Variants in SGCG observed in about 807,000 individuals in gnomAD.
SGCG encodes the protein gamma-sarcoglycan.
In SGCG, 26 loss-of-function variants were observed where a neutral mutation model predicts 29.3. The observed-to-expected ratio is 0.89, with a 90% CI of 0.65 to 1.23. The LOEUF is 1.23. Ranked by LOEUF, SGCG falls within the 50% of genes most tolerant of loss-of-function variation. The pLI is 0.00. For synonymous variants in SGCG, 145 were observed against 129.7 expected (o/e 1.12, Z -0.80); for missense variants, 353 against 356.0 (o/e 0.99, Z 0.07).
intron 2 of SGCG, among the ~76,000 whole-genome samples, chr13:23,210,462 C>A (rs186404807): frequency 1.4e-3 from 207 of 152,116 alleles, no homozygotes; most frequent in African/African-American, 4.7e-3. Flanking sequence ...GAGACTGAGG[C>A]GGGCAAATCA....
At chr13:23,261,496 CA>C (rs1331856807) in intron 4 of SGCG, among the ~76,000 whole-genome samples, 3 of 151,916 alleles carry the variant, frequency 2.0e-5, no homozygotes, top group Non-Finnish European at 4.4e-5. Context: ...AAAATCTCTA[CA>C]AAATATGGAA....
intron 1 of SGCG, among the ~76,000 whole-genome samples, chr13:23,192,159 A>G (rs1877291559): frequency 7.4e-6 from 1 of 134,230 alleles, no homozygotes; most frequent in Non-Finnish European, 1.6e-5. Context: ...TGGGCGACAG[A>G]GTGAGACTGC....
chr13:23,272,694 A>C (rs1880914616), intron 4 of SGCG, among the ~76,000 whole-genome samples: 1 of 152,104 alleles, frequency 6.6e-6, no homozygotes, highest in Admixed American at 6.5e-5. Context: ...CATTGTGACT[A>C]TCCAGCTTTT....
chr13:23,298,956 G>A (rs2766106), intron 6 of SGCG, among the ~76,000 whole-genome samples: 56,637 of 152,044 alleles, frequency 0.37, 11,151 homozygotes, highest in East Asian at 0.79. Context: ...GGAAATGCTC[G>A]AGGAGTGTGG....
intron 6 of SGCG, among the ~76,000 whole-genome samples, chr13:23,299,446 A>C (rs1156316755): frequency 1.4e-4 from 1 of 7,392 alleles, no homozygotes; most frequent in Non-Finnish European, 2.8e-4. Flanking sequence ...ATATATATAT[A>C]TATATATATA....
At chr13:23,202,618 G>A (rs944636430) in intron 1 of SGCG, among the ~76,000 whole-genome samples, 1 of 152,206 alleles carries the variant, frequency 6.6e-6, no homozygotes, top group Non-Finnish European at 1.5e-5. Flanking sequence ...GTTGAATAAT[G>A]TTGGCTGTCA....
At chr13:23,208,513 C>G (rs535898) in intron 2 of SGCG, among the ~76,000 whole-genome samples, 37,133 of 151,974 alleles carry the variant, frequency 0.24, 4,852 homozygotes, top group Middle Eastern at 0.34. Flanking sequence ...AAATGTTGAC[C>G]AAGAGAATAA....
intron 2 of SGCG, among the ~76,000 whole-genome samples, chr13:23,225,994 C>A (rs1878880808): frequency 6.6e-6 from 1 of 152,094 alleles, no homozygotes; most frequent in Non-Finnish European, 1.5e-5. Flanking sequence ...TTTACTTATT[C>A]AGTCAATCCC....
chr13:23,218,486 AAAAT>A (rs1878518000), intron 2 of SGCG, among the ~76,000 whole-genome samples: 1 of 152,204 alleles, frequency 6.6e-6, no homozygotes, highest in Non-Finnish European at 1.5e-5. Context: ...ACATAAATGT[AAAAT>A]AAACTGTAAC....
rs139673672 is a variant in SGCG at position 23,265,493 on chromosome 13, G to A, written c.386-13866G>A. 3.2e-3 allele frequency among the ~76,000 whole-genome samples: 490 copies of A among 152,168 alleles called. 4 individuals are homozygous for A. Among genetic ancestry groups the A allele is most frequent in the African/African-American group, 0.011 (463 of 41,512 alleles). On this transcript the variant is annotated intron_variant, in intron 4 of 7. Coordinates refer to ENST00000218867, the MANE Select transcript of SGCG (RefSeq NM_000231.3). ...TCAGGAGGCTGAGGCAGGAGAATTC[G>A]CTTGAACCTGGGAGGTGGAGGTTGC...
intron 4 of SGCG, among the ~76,000 whole-genome samples, chr13:23,266,430 A>C (rs1290119247): frequency 3.9e-5 from 6 of 152,170 alleles, no homozygotes; most frequent in African/African-American, 1.4e-4. Context: ...TTTTATGTGA[A>C]GTAACACTCA....
chr13:23,294,613 CT>C (rs1420162588), intron 5 of SGCG, among the ~76,000 whole-genome samples: 2 of 152,202 alleles, frequency 1.3e-5, no homozygotes, highest in Non-Finnish European at 1.5e-5. Flanking sequence ...CACTTTGCTA[CT>C]GGCACATTAC....
intron 5 of SGCG, among the ~76,000 whole-genome samples, chr13:23,290,720 G>A (rs1279984875): frequency 1.3e-5 from 2 of 152,208 alleles, no homozygotes; most frequent in East Asian, 3.8e-4. Flanking sequence ...AATGCTCAAT[G>A]AAGGTGTAGA....
chr13:23,264,273 G>C (rs1293405056), intron 4 of SGCG, among the ~76,000 whole-genome samples: 1 of 151,854 alleles, frequency 6.6e-6, no homozygotes, highest in Non-Finnish European at 1.5e-5. Flanking sequence ...TAGTAGCACT[G>C]CTATACACCA....
intron 2 of SGCG, among the ~76,000 whole-genome samples, chr13:23,225,134 CAGTG>C (rs1387992282): frequency 6.6e-6 from 1 of 152,166 alleles, no homozygotes; most frequent in African/African-American, 2.4e-5. Flanking sequence ...ACCTCATCCT[CAGTG>C]AGTGAGTGTT....
At chr13:23,169,098 T>C in the SGCG span, among the ~76,000 whole-genome samples, 1 of 151,786 alleles carries the variant, frequency 6.6e-6, no homozygotes, top group Admixed American at 6.6e-5. Flanking sequence ...GTTTTCCCAC[T>C]AGTCCTCTCT....
chr13:23,279,579 A>G (rs1566028781), intron 5 of SGCG, 101 bp downstream of exon 5: 1 of 1,228,014 alleles, frequency 8.1e-7, no homozygotes, highest in South Asian at 1.3e-5. Flanking sequence ...TCAAGCAGAT[A>G]AGAGAGTTTG....
intron 4 of SGCG, among the ~76,000 whole-genome samples, chr13:23,251,448 A>T (rs1879964523): frequency 6.6e-6 from 1 of 152,184 alleles, no homozygotes; most frequent in Non-Finnish European, 1.5e-5. Context: ...GCAAGAAGAA[A>T]TACAGATGAA....
At chr13:23,189,227 A>G (rs1039596078) in intron 1 of SGCG, among the ~76,000 whole-genome samples, 5 of 152,174 alleles carry the variant, frequency 3.3e-5, no homozygotes, top group Non-Finnish European at 5.9e-5. Context: ...TCCAGGCTGG[A>G]GTGCAGTGGC....
Sources: allele counts gnomAD v4.1 joint callset (sites outside exome capture counted in the v4.1 genomes callset), GRCh38; gene constraint gnomAD v4.1.1; transcripts MANE v1.5; gene names NCBI Gene and HGNC (gene_info 2026-07-23, HGNC 2026-07-21).